Variants in MTUS1 observed in about 807,000 individuals in gnomAD.
MTUS1 encodes microtubule-associated tumor suppressor 1.
MTUS1 carries 109 observed loss-of-function variants against 120.8 expected under a neutral mutation model. The ratio of observed to expected loss-of-function variants is 0.90; its 90% CI spans 0.77 to 1.06. The LOEUF is 1.06. Among genes scored for constraint, MTUS1 ranks in the 50% least tolerant of loss-of-function variants. The pLI is 0.00. For missense variants in MTUS1, 2,210 were observed against 1,486.3 expected (o/e 1.49, Z -8.01); for synonymous variants, 737 against 550.5 (o/e 1.34, Z -4.74).
chr8:17,752,565 G>A (rs1024740986), intron 2 of MTUS1, among the ~76,000 whole-genome samples: 1 of 152,222 alleles, frequency 6.6e-6, no homozygotes, highest in East Asian at 1.9e-4. Flanking sequence ...TGATGTTTTA[G>A]AGAATCTAGA....
chr8:17,794,189 G>C (rs964413194), intron 1 of MTUS1, among the ~76,000 whole-genome samples: 2 of 152,046 alleles, frequency 1.3e-5, no homozygotes, highest in African/African-American at 4.8e-5. Flanking sequence ...GAAGACGGGC[G>C]TGGTGGTGCA....
In MTUS1 at chr8:17,754,184, G is replaced by T; in HGVS notation, c.1624C>A (p.Pro542Thr). Residue 542 changes from proline to threonine, a missense_variant, in exon 2 of 15, where the codon CCC becomes ACC. Coordinates refer to ENST00000693296, the MANE Select transcript of MTUS1 (RefSeq NM_001363059.2). ...PRPQQTSASS[P>T]SSVNSRQQTV... ...TGTTGTCTTGAATTCACTGATGAGGGTGATGAGGCACTGGTCTGCTGAGGT... is the reference window on the plus strand; with the variant it reads ...TGTTGTCTTGAATTCACTGATGAGGTTGATGAGGCACTGGTCTGCTGAGGT... 6.2e-7 allele frequency: 1 copy of T among 1,613,848 alleles called. No homozygotes were observed.
intron 4 of MTUS1, chr8:17,722,130 C>G (rs2045892308): frequency 8.1e-7 from 1 of 1,242,092 alleles, no homozygotes; most frequent in Non-Finnish European, 1.0e-6. Context: ...TAGACAGGCT[C>G]TGTGGGTGTA....
chr8:17,667,649 T>G (rs1811183123), intron 8 of MTUS1, among the ~76,000 whole-genome samples: 3 of 152,234 alleles, frequency 2.0e-5, no homozygotes, highest in Non-Finnish European at 2.9e-5. Flanking sequence ...TAGCTATCAA[T>G]GCAAACGAGC....
intron 1 of MTUS1, among the ~76,000 whole-genome samples, chr8:17,760,506 A>G (rs1184972118): frequency 1.3e-5 from 2 of 152,194 alleles, no homozygotes; most frequent in East Asian, 1.9e-4. Context: ...ATGAAGACAA[A>G]GCCAAGGACA....
At chr8:17,680,464 C>CAAAAAAAAAA (rs58490523) in intron 7 of MTUS1, among the ~76,000 whole-genome samples, 5 of 24,308 alleles carry the variant, frequency 2.1e-4, no homozygotes, top group Non-Finnish European at 1.7e-4. Context: ...GCCACTGTCG[C>CAAAAAAAAAA]AAAAAAAAAA....
intron 3 of MTUS1, among the ~76,000 whole-genome samples, chr8:17,730,903 GC>G (rs2046530692): frequency 1.3e-5 from 2 of 152,106 alleles, no homozygotes. Flanking sequence ...GAGGATGGCT[GC>G]AAAAAATGTG....
At position 17,716,048 on chromosome 8, in the gene MTUS1, G is replaced by C. The variant is rs1822265677; in HGVS notation, c.2450-147C>G. On this transcript the variant is annotated intron_variant, in intron 4 of 14. Transcript: ENST00000693296. ...TACTGAACATTGGGAATACAACATG[G>C]ATAACAGGTAGCTTGTGTCTCAGGG... 31 of 700,076 alleles carry C rather than the reference G, an allele frequency of 4.4e-5. No individual in the cohort carries two copies. In the South Asian group the frequency reaches 5.7e-4, roughly 13 times the overall value. The allele number at this position is 700,076 out of a possible 1,614,324, so 43.4% of individuals were successfully genotyped here. A position where few individuals can be genotyped will look rare whatever the true frequency, so the allele number is the denominator to read the frequency against.
chr8:17,654,911 A>C (rs1807875385), intron 9 of MTUS1: 1 of 526,382 alleles, frequency 1.9e-6, no homozygotes. Flanking sequence ...CAATGTCGCG[A>C]GACTCTGTCC....
chr8:17,730,905 A>G (rs527359013), intron 3 of MTUS1, among the ~76,000 whole-genome samples: 2 of 152,188 alleles, frequency 1.3e-5, no homozygotes. Context: ...GGATGGCTGC[A>G]AAAAATGTGA....
chr8:17,676,523 A>T (rs1318863282), intron 7 of MTUS1: 1 of 584,814 alleles, frequency 1.7e-6, no homozygotes, highest in African/African-American at 1.9e-5. Context: ...AGAAGCTGAT[A>T]CTGCAGCTTC....
At chr8:17,666,363 C>T (rs577567943) in intron 8 of MTUS1, among the ~76,000 whole-genome samples, 70 of 151,420 alleles carry the variant, frequency 4.6e-4, no homozygotes, top group African/African-American at 1.6e-3. Context: ...TTTTAGAGCA[C>T]GAGGGTCAAA....
intron 2 of MTUS1, among the ~76,000 whole-genome samples, chr8:17,748,560 G>A (rs557417255): frequency 6.6e-6 from 1 of 152,190 alleles, no homozygotes; most frequent in Non-Finnish European, 1.5e-5. Context: ...GGATGGTGGA[G>A]CCAAGAGAGC....
Position 17,789,171 on chromosome 8 carries a change from T to C in MTUS1, c.-155+11890A>G, listed in dbSNP as rs948960841. ...CCTCAGCCTGACCAGTAGCTAGGATTACAGGAATGAGCCACCTCACCTGGC... is the reference window on the plus strand; with the variant it reads ...CCTCAGCCTGACCAGTAGCTAGGATCACAGGAATGAGCCACCTCACCTGGC... On this transcript the variant is annotated intron_variant, in intron 1 of 14. Transcript: ENST00000693296. Among the ~76,000 whole-genome samples the C allele has an allele frequency of 3.5e-4, 54 of 152,196 alleles. 1 individual carries two copies. Among genetic ancestry groups the C allele is most frequent in the Middle Eastern group, 3.4e-3 (1 of 294 alleles).
chr8:17,713,101 A>C, intron 6 of MTUS1, 113 bp downstream of exon 6: 1 of 878,950 alleles, frequency 1.1e-6, no homozygotes, highest in Non-Finnish European at 1.8e-6. Context: ...TTTACACCTC[A>C]AATTGGAAAT....
At chr8:17,701,443 G>A (rs1189128938) in intron 6 of MTUS1, among the ~76,000 whole-genome samples, 4 of 152,132 alleles carry the variant, frequency 2.6e-5, no homozygotes, top group Admixed American at 6.5e-5. Context: ...CAGTGACATT[G>A]CCTTTTATTT....
At chr8:17,724,570 G>C (rs920021799) in intron 3 of MTUS1, among the ~76,000 whole-genome samples, 4 of 151,698 alleles carry the variant, frequency 2.6e-5, no homozygotes, top group African/African-American at 9.7e-5. Flanking sequence ...ACTCCAACTT[G>C]CAACTCTTTC....
At chr8:17,794,768 A>T (rs945743168) in intron 1 of MTUS1, among the ~76,000 whole-genome samples, 8 of 152,240 alleles carry the variant, frequency 5.3e-5, no homozygotes, top group Non-Finnish European at 8.8e-5. Flanking sequence ...CTTAATCAGA[A>T]TTCTGGGAAA....
chr8:17,745,882 G>C (rs985217260), intron 2 of MTUS1, among the ~76,000 whole-genome samples: 1 of 152,176 alleles, frequency 6.6e-6, no homozygotes, highest in Non-Finnish European at 1.5e-5. Flanking sequence ...CAGTGCTGGA[G>C]GAGGGACCTG....
Sources: gnomAD v4.1 joint callset for allele counts (sites outside exome capture counted in the v4.1 genomes callset) on GRCh38, gnomAD v4.1.1 for gene constraint, MANE v1.5 for transcripts, NCBI Gene and HGNC (gene_info 2026-07-23, HGNC 2026-07-21) for gene names.